PRKN: variants seen among roughly 807,000 people sequenced by gnomAD.
PRKN encodes the protein E3 ubiquitin-protein ligase parkin.
PRKN carries 56 observed loss-of-function variants against 59.5 expected under a neutral mutation model. That is an observed-to-expected ratio of 0.94 (90% CI 0.76 to 1.18). PRKN has a LOEUF of 1.18. Ranked by LOEUF, PRKN falls within the 50% of genes most tolerant of loss-of-function variation. The pLI, the probability that PRKN is intolerant of heterozygous loss-of-function variation, is 0.00. For missense variants in PRKN, 657 were observed against 596.4 expected (o/e 1.10, Z -1.06); for synonymous variants, 250 against 222.1 (o/e 1.13, Z -1.12).
At chr6:162,530,535 T>C (rs1173708961) in intron 1 of PRKN, among the ~76,000 whole-genome samples, 1 of 152,130 alleles carries the variant, frequency 6.6e-6, no homozygotes, top group Non-Finnish European at 1.5e-5. Flanking sequence ...AAATCTCCAG[T>C]CTCAGTTTCC....
chr6:162,678,383 T>C (rs139696368), intron 1 of PRKN, among the ~76,000 whole-genome samples: 123 of 152,338 alleles, frequency 8.1e-4, no homozygotes, highest in African/African-American at 2.8e-3. Context: ...TGCCATACTT[T>C]TTCCCAAAGT....
At chr6:161,375,190 T>G (rs998752344) in intron 10 of PRKN, among the ~76,000 whole-genome samples, 1 of 152,108 alleles carries the variant, frequency 6.6e-6, no homozygotes, top group African/African-American at 2.4e-5. Flanking sequence ...CCGGGGGTGC[T>G]GAGGCTCCTG....
chr6:161,456,659 A>C lies in PRKN; in HGVS notation c.1084-69782T>G, dbSNP rs1789983927. On this transcript the variant is annotated intron_variant, in intron 9 of 11. Coordinates refer to ENST00000366898, the MANE Select transcript of PRKN (RefSeq NM_004562.3). The surrounding 1 kb of genome is among the most constrained non-coding windows in gnomAD (Gnocchi z 4.8). ...CCAGCTTGAATCCTGCCCAAGAATA[A>C]AGAGGATCAAGGACAGGGCACTGAA... Among the ~76,000 whole-genome samples, 1 of 152,168 alleles carries C rather than the reference A, an allele frequency of 6.6e-6. No individual in the cohort carries two copies. Among genetic ancestry groups the C allele is most frequent in the Non-Finnish European group, 1.5e-5 (1 of 68,030 alleles).
At chr6:161,737,240 C>G (rs1232513619) in intron 7 of PRKN, among the ~76,000 whole-genome samples, 1 of 152,140 alleles carries the variant, frequency 6.6e-6, no homozygotes, top group African/African-American at 2.4e-5. Flanking sequence ...CAAGGGGAAT[C>G]CACTTAAAGG....
chr6:161,836,246 AGGGTCC>A, intron 6 of PRKN, among the ~76,000 whole-genome samples: 1 of 152,254 alleles, frequency 6.6e-6, no homozygotes, highest in East Asian at 1.9e-4. Context: ...ATTTCCACAC[AGGGTCC>A]TGAGAGCCCT....
rs190266163 is a variant in PRKN at position 161,530,630 on chromosome 6, C to T, written c.1083+18224G>A. 1.3e-3 allele frequency among the ~76,000 whole-genome samples: 194 copies of T among 152,192 alleles called. 1 individual carries two copies. The highest frequency in any genetic ancestry group is 2.3e-3 in the Non-Finnish European group (159 of 68,014). On this transcript the variant is annotated intron_variant, in intron 9 of 11. Coordinates refer to ENST00000366898, the MANE Select transcript of PRKN (RefSeq NM_004562.3). This position sits in a 1 kb window ranked among gnomAD's most constrained non-coding sequence, Gnocchi z 5.0. ...CTCCCAGGTTCAAGCGCTTCTCCTG[C>T]CTAGCCTCCCAAGTAGCTGGGATTA...
At chr6:162,139,668 C>A (rs1781695227) in intron 4 of PRKN, among the ~76,000 whole-genome samples, 1 of 152,142 alleles carries the variant, frequency 6.6e-6, no homozygotes, top group Admixed American at 6.5e-5. Context: ...TGGACTCACA[C>A]TGAGAGATTA....
chr6:161,882,335 G>GGGGGC (rs1014140168), intron 6 of PRKN, among the ~76,000 whole-genome samples: 35 of 152,176 alleles, frequency 2.3e-4, no homozygotes, highest in Non-Finnish European at 4.3e-4. Flanking sequence ...GCAACGGCAT[G>GGGGGC]GGGGCGGGGC....
chr6:162,697,660 T>C (rs1290542213), intron 1 of PRKN, among the ~76,000 whole-genome samples: 2 of 152,126 alleles, frequency 1.3e-5, no homozygotes, highest in East Asian at 1.9e-4. Flanking sequence ...CAAACAATAG[T>C]TTAGGATTTT....
chr6:161,692,434 GA>G (rs1785835315), intron 7 of PRKN, among the ~76,000 whole-genome samples: 1 of 152,092 alleles, frequency 6.6e-6, no homozygotes, highest in Non-Finnish European at 1.5e-5. Context: ...TCTTTACCTC[GA>G]AAACTTGAAT....
chr6:161,809,780 A>G (rs1259423559), intron 6 of PRKN, among the ~76,000 whole-genome samples: 1 of 152,194 alleles, frequency 6.6e-6, no homozygotes, highest in East Asian at 1.9e-4. Flanking sequence ...CATCATCAAC[A>G]GAATGTAAGA....
chr6:161,562,393 G>C lies in PRKN; in HGVS notation c.933+6962C>G, dbSNP rs1053277805. ...TTGAGGTTCCTTCTTGGTCTCCTTT[G>C]TTGGTTGCTGCTCTTTACCCAATTT... On this transcript the variant is annotated intron_variant, in intron 8 of 11. Coordinates refer to ENST00000366898, the MANE Select transcript of PRKN (RefSeq NM_004562.3). This position sits in a 1 kb window ranked among gnomAD's most constrained non-coding sequence, Gnocchi z 4.3. Among the ~76,000 whole-genome samples the C allele has an allele frequency of 1.3e-5, 2 of 152,182 alleles. 1 individual carries two copies. The highest frequency in any genetic ancestry group is 3.9e-4 in the East Asian group (2 of 5,192).
At chr6:161,667,851 G>A (rs191048133) in intron 7 of PRKN, among the ~76,000 whole-genome samples, 152 of 152,148 alleles carry the variant, frequency 1.0e-3, no homozygotes, top group Non-Finnish European at 5.0e-4. Context: ...TCATAACACA[G>A]CAATAATCAT....
At chr6:161,375,564 ACACT>A (rs1785661240) in intron 10 of PRKN, among the ~76,000 whole-genome samples, 1 of 152,204 alleles carries the variant, frequency 6.6e-6, no homozygotes, top group Admixed American at 6.5e-5. Flanking sequence ...GGCGAAACAC[ACACT>A]CATTTCATTA....
intron 1 of PRKN, among the ~76,000 whole-genome samples, chr6:162,512,823 C>A (rs1417623325): frequency 1.3e-5 from 2 of 152,032 alleles, no homozygotes; most frequent in Admixed American, 6.6e-5. Flanking sequence ...AATATATTAT[C>A]CATTTACTTA....
At chr6:162,285,769 G>T (rs1358088833) in intron 2 of PRKN, among the ~76,000 whole-genome samples, 1 of 152,086 alleles carries the variant, frequency 6.6e-6, no homozygotes, top group East Asian at 1.9e-4. Flanking sequence ...TTTAGGGTTG[G>T]CTACACTGAT....
At chr6:162,009,088 A>C (rs1449975955) in intron 5 of PRKN, among the ~76,000 whole-genome samples, 2 of 151,866 alleles carry the variant, frequency 1.3e-5, no homozygotes, top group Non-Finnish European at 2.9e-5. Context: ...CCCCGTCTTT[A>C]CTAAAAATAC....
chr6:162,523,904 G>A (rs1181249871), intron 1 of PRKN, among the ~76,000 whole-genome samples: 1 of 152,030 alleles, frequency 6.6e-6, no homozygotes, highest in Non-Finnish European at 1.5e-5. Flanking sequence ...AAACTATAAG[G>A]ATAAAGAAAA....
At chr6:162,296,048 G>A (rs1423466414) in intron 2 of PRKN, among the ~76,000 whole-genome samples, 6 of 152,126 alleles carry the variant, frequency 3.9e-5, no homozygotes, top group Non-Finnish European at 8.8e-5. Context: ...CAGCAAGTTT[G>A]TATCTGGGAT....
Sources: allele counts gnomAD v4.1 joint callset (sites outside exome capture counted in the v4.1 genomes callset), GRCh38; gene constraint gnomAD v4.1.1; non-coding constraint Gnocchi (gnomAD v3.1); transcripts MANE v1.5; gene names NCBI Gene and HGNC (gene_info 2026-07-23, HGNC 2026-07-21).